The following TNN variants were observed in gnomAD, a reference collection of about 807,000 sequenced individuals.
TNN encodes the protein tenascin-N.
A neutral mutation model predicts 134.4 loss-of-function variants in TNN; 122 were observed. The ratio of observed to expected loss-of-function variants is 0.91; its 90% CI spans 0.78 to 1.06. The LOEUF (loss-of-function observed/expected upper bound fraction) is 1.06, where lower values mean the gene tolerates loss of function less well. Ranked by LOEUF, TNN falls within the 50% of genes least tolerant of loss-of-function variation. The pLI, the probability that TNN is intolerant of heterozygous loss-of-function variation, is 0.00. For synonymous variants in TNN, 710 were observed against 670.3 expected (o/e 1.06, Z -0.91); for missense variants, 1,739 against 1,699.4 (o/e 1.02, Z -0.41).
chr1:175,139,354 GT>G (rs922242391), intron 17 of TNN, among the ~76,000 whole-genome samples: 8 of 151,274 alleles, frequency 5.3e-5, no homozygotes, highest in East Asian at 3.9e-4. Flanking sequence ...TATTCTGTAA[GT>G]TTTTTTTTCT....
chr1:175,084,590 G>T (rs1674282244), intron 5 of TNN, among the ~76,000 whole-genome samples: 1 of 152,194 alleles, frequency 6.6e-6, no homozygotes, highest in African/African-American at 2.4e-5. Context: ...GCCTTGGAAT[G>T]GGCCCGTGAA....
chr1:175,118,691 G>A lies in TNN; in HGVS notation c.2517G>A (p.Arg839=). 1 of 1,614,248 alleles carries A rather than the reference G, an allele frequency of 6.2e-7. No individual in the cohort carries two copies. Among genetic ancestry groups the A allele is most frequent in the Non-Finnish European group, 8.5e-7 (1 of 1,180,044 alleles). The change falls in exon 11 of 19, where the codon AGG becomes AGA. Residue 839 remains arginine (R), a synonymous_variant. Coordinates refer to ENST00000239462, the MANE Select transcript of TNN (RefSeq NM_022093.2). ...ACACGTCTGCCAACGGAGAGACCAG[G>A]GAGGTTCCAGTGGGGAAGGAGCAGA... ...VHYTSANGET[R]EVPVGKEQSS... is the part of the protein sequence containing the mutation.
At chr1:175,139,473 T>C (rs943523847) in intron 17 of TNN, among the ~76,000 whole-genome samples, 1 of 152,232 alleles carries the variant, frequency 6.6e-6, no homozygotes, top group Non-Finnish European at 1.5e-5. Context: ...GGATCATCAA[T>C]ATCACTGTCT....
intron 9 of TNN, among the ~76,000 whole-genome samples, chr1:175,100,361 A>G (rs1326994605): frequency 6.6e-6 from 1 of 152,222 alleles, no homozygotes; most frequent in Non-Finnish European, 1.5e-5. Context: ...GCTCTAGGGT[A>G]TGCAAAACAA....
chr1:175,101,245 G>A (rs962878274), intron 9 of TNN, among the ~76,000 whole-genome samples: 1 of 151,842 alleles, frequency 6.6e-6, no homozygotes, highest in Non-Finnish European at 1.5e-5. Context: ...CTCTGGTCTC[G>A]CTGGATCAGG....
In TNN at chr1:175,097,623, C is replaced by A; in HGVS notation, c.1795C>A (p.His599Asn). 6.2e-7 allele frequency: 1 copy of A among 1,614,182 alleles called. No individual in the cohort carries two copies. The highest frequency in any genetic ancestry group is 2.2e-5 in the East Asian group (1 of 44,882). The part of the protein sequence containing the change: ...GLRPGVEYTV[H>N]VWAQKGDRES... ...GAGGCCAGGTGTGGAGTACACAGTG[C>A]ATGTCTGGGCCCAGAAGGGGGACCG... Residue 599 changes from histidine to asparagine, a missense_variant, in exon 8 of 19, where the codon CAT (histidine) becomes AAT (asparagine). His to Asn is a moderately conservative substitution (Grantham distance 68). Coordinates refer to ENST00000239462, the MANE Select transcript of TNN (RefSeq NM_022093.2).
chr1:175,125,963 T>TTCTCTCTC, intron 12 of TNN, among the ~76,000 whole-genome samples: 1 of 140,328 alleles, frequency 7.1e-6, no homozygotes, highest in East Asian at 2.1e-4. Context: ...CTTTCTTTCC[T>TTCTCTCTC]TCTCTCTCTC....
Position 175,118,933 on chromosome 1 carries a change from A to G in TNN, c.2650+109A>G, listed in dbSNP as rs529645992. The G allele has an allele frequency of 1.5e-4, 212 of 1,424,744 alleles. No homozygotes were observed. The East Asian group carries it at 4.1e-3, about 27-fold the overall frequency. The allele number at this position is 1,424,744 out of a possible 1,614,324, so 88.3% of individuals were successfully genotyped here. A position where few individuals can be genotyped will look rare whatever the true frequency, so the allele number is the denominator to read the frequency against. The stretch of plus-strand genomic sequence containing the variant: ...GGCATCTGTAACCTCAGGGCTGCAG[A>G]CTGTTTTAGGAGAGTTTGCTGTAAA... On this transcript the variant is annotated intron_variant, in intron 11 of 18. Coordinates refer to ENST00000239462, the MANE Select transcript of TNN (RefSeq NM_022093.2).
chr1:175,091,510 A>G (rs1237459204), intron 6 of TNN, among the ~76,000 whole-genome samples: 2 of 152,042 alleles, frequency 1.3e-5, no homozygotes, highest in Non-Finnish European at 1.5e-5. Flanking sequence ...CTTTCCACCC[A>G]TGTGGACATG....
At chr1:175,131,917 T>TAC (rs3028571) in intron 15 of TNN, among the ~76,000 whole-genome samples, 7,020 of 136,308 alleles carry the variant, frequency 0.052, 267 homozygotes, top group African/African-American at 0.098. Flanking sequence ...GAAGTATTAT[T>TAC]ACACACACAC....
At chr1:175,091,559 T>TTTTATTTATTTA (rs199865867) in intron 6 of TNN, among the ~76,000 whole-genome samples, 24 of 141,716 alleles carry the variant, frequency 1.7e-4, no homozygotes, top group African/African-American at 2.9e-4. Flanking sequence ...TATTTATTAT[T>TTTTATTTATTTA]TTTATTTATT....
In TNN at chr1:175,097,481, G is replaced by C. The variant is rs1674598038; in HGVS notation, c.1653G>C (p.Trp551Cys). 4 of 1,614,164 alleles carry C rather than the reference G, an allele frequency of 2.5e-6. No individual in the cohort carries two copies. The highest frequency in any genetic ancestry group is 3.4e-6 in the Non-Finnish European group (4 of 1,180,038). Reference protein sequence around the residue: ...RVTENTATISWDPVQATIDKY... With the variant: ...RVTENTATISCDPVQATIDKY... ...CTGAGAATACCGCCACCATCTCCTG[G>C]GACCCGGTACAGGCCACCATTGACA... The change falls in exon 8 of 19, where the codon TGG becomes TGC. Residue 551 changes from tryptophan to cysteine, a missense_variant. Transcript: ENST00000239462.
At chr1:175,086,401 A>G (rs1373886583) in intron 6 of TNN, among the ~76,000 whole-genome samples, 1 of 152,230 alleles carries the variant, frequency 6.6e-6, no homozygotes, top group African/African-American at 2.4e-5. Flanking sequence ...CATCCTAGGT[A>G]ACTTTTAGTT....
At chr1:175,138,637 C>T (rs1174609433) in intron 17 of TNN, among the ~76,000 whole-genome samples, 3 of 152,282 alleles carry the variant, frequency 2.0e-5, no homozygotes, top group East Asian at 3.9e-4. Context: ...GCTAGAAGAT[C>T]CTCACTGCCT....
At chr1:175,099,452 T>C (rs1021016503) in intron 9 of TNN, among the ~76,000 whole-genome samples, 1 of 112,382 alleles carries the variant, frequency 8.9e-6, no homozygotes, top group Admixed American at 8.9e-5. Flanking sequence ...GAGGGGTCAG[T>C]AAGGAGGAAA....
intron 9 of TNN, among the ~76,000 whole-genome samples, chr1:175,116,658 G>A (rs1269027143): frequency 6.6e-6 from 1 of 152,176 alleles, no homozygotes; most frequent in Non-Finnish European, 1.5e-5. Context: ...TAGTAACCTG[G>A]CTCCAACCTG....
intron 16 of TNN, among the ~76,000 whole-genome samples, chr1:175,136,360 A>G (rs1675813288): frequency 6.6e-6 from 1 of 152,154 alleles, no homozygotes; most frequent in Admixed American, 6.5e-5. Context: ...GCAGATGTTC[A>G]CAGACAGTGA....
At chr1:175,093,573 G>C (rs1200981737) in intron 6 of TNN, among the ~76,000 whole-genome samples, 2 of 152,160 alleles carry the variant, frequency 1.3e-5, no homozygotes, top group Admixed American at 1.3e-4. Context: ...CTGTGATTTG[G>C]AAGCAATGAA....
intron 9 of TNN, among the ~76,000 whole-genome samples, chr1:175,114,386 G>T (rs1675111312): frequency 6.6e-6 from 1 of 152,220 alleles, no homozygotes; most frequent in Admixed American, 6.5e-5. Flanking sequence ...TGGCAGTATA[G>T]GTTGTTAATG....
Sources: gnomAD v4.1 joint callset for allele counts (sites outside exome capture counted in the v4.1 genomes callset) on GRCh38, gnomAD v4.1.1 for gene constraint, MANE v1.5 for transcripts, NCBI Gene and HGNC (gene_info 2026-07-23, HGNC 2026-07-21) for gene names.